The following PLA2G7 variants were observed in gnomAD, a reference collection of about 807,000 sequenced individuals.
PLA2G7 encodes the protein platelet-activating factor acetylhydrolase.
A neutral mutation model predicts 49.6 loss-of-function variants in PLA2G7; 63 were observed. The ratio of observed to expected loss-of-function variants is 1.27; its 90% confidence interval spans 1.04 to 1.57. The LOEUF is 1.57. Ranked by LOEUF, PLA2G7 falls within the 40% of genes most tolerant of loss-of-function variation. PLA2G7 has a pLI of 0.00. For missense variants in PLA2G7, 596 were observed against 521.2 expected (o/e 1.14, Z -1.40); for synonymous variants, 193 against 169.9 (o/e 1.14, Z -1.06).
chr6:46,720,957 T>G (rs1415930874), intron 2 of PLA2G7, among the ~76,000 whole-genome samples: 2 of 152,244 alleles, frequency 1.3e-5, no homozygotes, highest in Non-Finnish European at 2.9e-5. Flanking sequence ...TGTATTCATT[T>G]AGTAAGAAAT....
Position 46,717,051 on chromosome 6 carries a change from C to G in PLA2G7, c.155G>C (p.Gly52Ala). The part of the protein sequence containing the change: ...IQVLMAAASF[G>A]QTKIPRGNGP... ...ATTTCCCCGGGGGATTTTAGTTTGG[C>G]CAAAGCTTGCAGCAGCCATCAGTAC... is the stretch of plus-strand genomic sequence containing the variant. The change falls in exon 3 of 12, where the codon GGC (glycine) becomes GCC (alanine). Residue 52 changes from glycine (G) to alanine (A), a missense_variant. By Grantham distance (60) the Gly-to-Ala change is moderately conservative. Coordinates refer to ENST00000274793, the MANE Select transcript of PLA2G7 (RefSeq NM_005084.4). 23 of 1,613,788 alleles carry G rather than the reference C, an allele frequency of 1.4e-5. No homozygotes were observed. The highest frequency in any genetic ancestry group is 1.9e-5 in the Non-Finnish European group (23 of 1,179,706).
In PLA2G7 at chr6:46,721,118, G is replaced by T. The variant is rs143683864; in HGVS notation, c.109+1665C>A. Among the ~76,000 whole-genome samples, 82 of 152,216 alleles carry T rather than the reference G, an allele frequency of 5.4e-4. No homozygotes were observed. The East Asian group carries it at 0.015, about 28-fold the overall frequency. On this transcript the variant is annotated intron_variant, in intron 2 of 11. Coordinates refer to ENST00000274793, the MANE Select transcript of PLA2G7 (RefSeq NM_005084.4). Reference sequence around the variant, plus strand: ...TGCAGTGGTGCAATCTCAGCTTACTGCAACCTCCTTCTTCTGGGTTCAAGC... The same window carrying T: ...TGCAGTGGTGCAATCTCAGCTTACTTCAACCTCCTTCTTCTGGGTTCAAGC...
intron 8 of PLA2G7, among the ~76,000 whole-genome samples, chr6:46,710,108 T>G (rs1323832777): frequency 6.6e-6 from 1 of 152,128 alleles, no homozygotes; most frequent in African/African-American, 2.4e-5. Context: ...CATCTTATTC[T>G]CTAGTTCCCC....
Position 46,704,536 on chromosome 6 carries a change from A to C in PLA2G7, c.*24T>G. ...TAATTTTAGACAGTTTTGAAACAAG[A>C]CTTTTAAAAAACCTATTTTAATCCT... On this transcript the variant is annotated 3_prime_UTR_variant, in exon 12 of 12. Transcript: ENST00000274793. The C allele has an allele frequency of 7.1e-7, 1 of 1,413,494 alleles. No individual in the cohort carries two copies. 87.6% of individuals were successfully genotyped at this position (1,413,494 alleles called of 1,614,324 possible).
chr6:46,734,656 A>C (rs1765860072), intron 1 of PLA2G7, among the ~76,000 whole-genome samples: 1 of 151,876 alleles, frequency 6.6e-6, no homozygotes, highest in Non-Finnish European at 1.5e-5. Flanking sequence ...CCCCGTCTCT[A>C]CTAAAAATTC....
intron 6 of PLA2G7, 66 bp downstream of exon 6, chr6:46,712,203 A>G (rs974607706): frequency 2.0e-6 from 2 of 1,000,850 alleles, no homozygotes. Flanking sequence ...AAAATTAGAA[A>G]CATAGTTATG....
At position 46,712,278 on chromosome 6, in the gene PLA2G7, A is replaced by G; in HGVS notation, c.530T>C (p.Val177Ala). The change falls in exon 6 of 12, where the codon GTA becomes GCA. Residue 177 changes from valine (V) to alanine (A), a missense_variant. By Grantham distance (64) the Val-to-Ala change is moderately conservative (BLOSUM62 0). Transcript: ENST00000274793. ...LASHGFIVAAVEHRDRSASAT... is the reference protein window; with the variant it reads ...LASHGFIVAAAEHRDRSASAT... ...ATATCAGGTAACATACCTGTGTTCT[A>G]CAGCAGCAACTATAAACCCATGAGA... 6.2e-7 allele frequency: 1 copy of G among 1,609,972 alleles called. No homozygotes were observed. The highest frequency in any genetic ancestry group is 8.5e-7 in the Non-Finnish European group (1 of 1,176,316).
intron 1 of PLA2G7, among the ~76,000 whole-genome samples, chr6:46,733,814 C>T (rs367679545): frequency 1.3e-5 from 2 of 152,310 alleles, no homozygotes; most frequent in East Asian, 3.9e-4. Flanking sequence ...AGGTTTCGTG[C>T]TGAGCCTCTT....
At chr6:46,716,585 G>C in intron 3 of PLA2G7, 57 bp from the exon 4 acceptor site, 1 of 1,576,438 alleles carries the variant, frequency 6.3e-7, no homozygotes, top group Non-Finnish European at 8.7e-7. Context: ...ACATATTCCA[G>C]CAGCTATTTT....
intron 2 of PLA2G7, among the ~76,000 whole-genome samples, chr6:46,720,165 C>T (rs1382855638): frequency 1.3e-5 from 2 of 152,178 alleles, no homozygotes; most frequent in Non-Finnish European, 2.9e-5. Flanking sequence ...TGCAGGGAGA[C>T]CTCTGGCTCA....
At chr6:46,718,546 T>C (rs1765290131) in intron 2 of PLA2G7, among the ~76,000 whole-genome samples, 1 of 152,226 alleles carries the variant, frequency 6.6e-6, no homozygotes, top group Admixed American at 6.5e-5. Flanking sequence ...TTCCTTGTGC[T>C]ACAGTACTCC....
At chr6:46,709,457 GTGGTGTTA>G in intron 8 of PLA2G7, 39 bp from the exon 9 acceptor site, 1 of 1,107,994 alleles carries the variant, frequency 9.0e-7, no homozygotes, top group Non-Finnish European at 1.4e-6. Flanking sequence ...TAGCTATTTC[GTGGTGTTA>G]GAAGAAATGA....
Position 46,710,708 on chromosome 6 carries a change from CTT to C in PLA2G7, c.664-52_664-51del, listed in dbSNP as rs1562069841. On this transcript the variant is annotated intron_variant, in intron 7 of 11. Coordinates refer to ENST00000274793, the MANE Select transcript of PLA2G7 (RefSeq NM_005084.4). ...AATGACAAAGTAAAAAGTTATAACA[CTT>C]ATTTTAAAGTTTAGGTAGAAGCTGT... 2.1e-6 allele frequency: 3 copies of C among 1,410,978 alleles called. No homozygotes were observed. In the South Asian group the frequency reaches 3.5e-5, roughly 16 times the overall value. 87.4% of individuals were successfully genotyped at this position (1,410,978 alleles called of 1,614,324 possible).
intron 1 of PLA2G7, among the ~76,000 whole-genome samples, chr6:46,728,774 G>T (rs181092577): frequency 5.3e-4 from 81 of 152,334 alleles, no homozygotes; most frequent in Admixed American, 1.0e-3. Context: ...TGGATCTGTT[G>T]AGTGTTGTAT....
At chr6:46,728,649 G>A (rs1283754876) in intron 1 of PLA2G7, among the ~76,000 whole-genome samples, 2 of 152,158 alleles carry the variant, frequency 1.3e-5, no homozygotes, top group East Asian at 3.9e-4. Context: ...GGTCATAAAA[G>A]GTAAAAGTTG....
chr6:46,717,786 A>G (rs1033682144), intron 2 of PLA2G7, among the ~76,000 whole-genome samples: 10 of 142,840 alleles, frequency 7.0e-5, no homozygotes, highest in African/African-American at 2.6e-4. Flanking sequence ...ATCTTGGCTC[A>G]CTGCAACCTC....
chr6:46,718,936 G>T (rs541065615), intron 2 of PLA2G7, among the ~76,000 whole-genome samples: 1 of 152,170 alleles, frequency 6.6e-6, no homozygotes, highest in Non-Finnish European at 1.5e-5. Context: ...ATGGCCACTG[G>T]TCTCTCTTGT....
chr6:46,723,183 T>C (rs961810081), intron 1 of PLA2G7, among the ~76,000 whole-genome samples: 1 of 152,188 alleles, frequency 6.6e-6, no homozygotes, highest in South Asian at 2.1e-4. Flanking sequence ...AAGTTTTTGG[T>C]CACTAGTTTT....
At chr6:46,716,323 G>A (rs1237214940) in intron 4 of PLA2G7, 61 bp downstream of exon 4, 3 of 1,559,314 alleles carry the variant, frequency 1.9e-6, no homozygotes. Context: ...TGAAGTTCTT[G>A]TTGTTTTCAA....
Sources: gnomAD v4.1 joint callset for allele counts (sites outside exome capture counted in the v4.1 genomes callset) on GRCh38, gnomAD v4.1.1 for gene constraint, MANE v1.5 for transcripts, NCBI Gene and HGNC (gene_info 2026-07-23, HGNC 2026-07-21) for gene names.